TMEM40: variants seen among roughly 807,000 people sequenced by gnomAD.
TMEM40 encodes the protein transmembrane protein 40.
Under a neutral mutation model 40.8 loss-of-function variants are expected in TMEM40, and 34 were observed. That is an observed-to-expected ratio of 0.83 (90% CI 0.63 to 1.11). The LOEUF is 1.11. Ranked by LOEUF, TMEM40 falls within the 50% of genes least tolerant of loss-of-function variation. The pLI, the probability that TMEM40 is intolerant of heterozygous loss-of-function variation, is 0.00. For missense variants in TMEM40, 296 were observed against 280.2 expected, an observed-to-expected ratio of 1.06 and a Z score of -0.40; for synonymous variants, 106 against 107.0, an observed-to-expected ratio of 0.99 and a Z score of 0.06.
chr3:12,758,094 A>G (rs1372362059), intron 1 of TMEM40, among the ~76,000 whole-genome samples: 1 of 152,040 alleles, frequency 6.6e-6, no homozygotes, highest in Non-Finnish European at 1.5e-5. Context: ...GAAAGAAAGA[A>G]AAAGGAAAGA....
At chr3:12,747,283 T>C (rs2061436594) in intron 3 of TMEM40, among the ~76,000 whole-genome samples, 1 of 151,948 alleles carries the variant, frequency 6.6e-6, no homozygotes, top group South Asian at 2.1e-4. Context: ...GGAGCTCTGG[T>C]TGAGGAGGAT....
intron 1 of TMEM40, among the ~76,000 whole-genome samples, chr3:12,755,186 CCT>C (rs2061511225): frequency 1.0e-5 from 1 of 98,678 alleles, no homozygotes; most frequent in African/African-American, 7.4e-5. Context: ...CTCTCTCCTT[CCT>C]TCCTTCCTTC....
At chr3:12,735,468 T>C in intron 11 of TMEM40, 87 bp downstream of exon 11, 1 of 1,369,742 alleles carries the variant, frequency 7.3e-7, no homozygotes, top group Non-Finnish European at 1.0e-6. Context: ...CTCCAGGCTG[T>C]GTTCTTTCCT....
intron 1 of TMEM40, among the ~76,000 whole-genome samples, chr3:12,751,545 T>C (rs535345828): frequency 6.6e-6 from 1 of 152,212 alleles, no homozygotes; most frequent in African/African-American, 2.4e-5. Context: ...CCCAAAGTGC[T>C]GGGATTACAG....
intron 1 of TMEM40, among the ~76,000 whole-genome samples, chr3:12,751,734 G>T (rs1005304607): frequency 6.6e-6 from 1 of 152,172 alleles, no homozygotes; most frequent in South Asian, 2.1e-4. Context: ...TTCTCTGCAC[G>T]CAACAGGTGA....
In TMEM40 at chr3:12,734,570, G is replaced by T. The variant is rs1034068547; in HGVS notation, c.*204C>A. On this transcript the variant is annotated 3_prime_UTR_variant, in exon 12 of 12. Transcript: ENST00000314124. ...CTCTGCCTTCCATCCTTGCAGCTGG[G>T]TTGCACAGCAGTACTGCCCAAATGA... The T allele has an allele frequency of 6.9e-6, 4 of 582,578 alleles. No individual in the cohort carries two copies. In the Admixed American group the frequency reaches 1.2e-4, roughly 17 times the overall value. The allele number at this position is 582,578 out of a possible 1,614,324, so 36.1% of individuals were successfully genotyped here. A position where few individuals can be genotyped will look rare whatever the true frequency, so the allele number is the denominator to read the frequency against.
At chr3:12,758,276 C>T (rs1450612778) in intron 1 of TMEM40, among the ~76,000 whole-genome samples, 4 of 152,168 alleles carry the variant, frequency 2.6e-5, no homozygotes, top group African/African-American at 7.2e-5. Context: ...AGCTTGAGTT[C>T]ACTCCCCACC....
chr3:12,765,590 C>T (rs1468126118), intron 1 of TMEM40, among the ~76,000 whole-genome samples: 15 of 137,282 alleles, frequency 1.1e-4, no homozygotes, highest in Non-Finnish European at 2.0e-4. Flanking sequence ...TTTTTTGAGA[C>T]GGAGTCTCGC....
chr3:12,752,872 A>G (rs898685323), intron 1 of TMEM40, among the ~76,000 whole-genome samples: 1 of 152,134 alleles, frequency 6.6e-6, no homozygotes, highest in African/African-American at 2.4e-5. Flanking sequence ...AAGCAAGGGT[A>G]GTTGGTTGCT....
At chr3:12,748,833 C>A in intron 2 of TMEM40, 41 bp from the exon 3 acceptor site, 1 of 1,587,782 alleles carries the variant, frequency 6.3e-7, no homozygotes, top group Non-Finnish European at 8.6e-7. Flanking sequence ...CGTTTCCCAC[C>A]CTTCCCACCC....
chr3:12,755,283 C>CTTTCTTTCTTTCTTTCTTTCTTTCTTTCT (rs56223138), intron 1 of TMEM40, among the ~76,000 whole-genome samples: 4 of 97,806 alleles, frequency 4.1e-5, no homozygotes, highest in Non-Finnish European at 8.3e-5. Context: ...TTCTTTCTTT[C>CTTTCTTTCTTTCTTTCTTTCTTTCTTTCT]TTCTTTTCTA....
At chr3:12,742,361 C>T in intron 5 of TMEM40, 93 bp downstream of exon 5, 2 of 1,468,474 alleles carry the variant, frequency 1.4e-6, no homozygotes, top group Non-Finnish European at 1.9e-6. Context: ...CTTTTCAGCT[C>T]ATGAATCACC....
chr3:12,761,622 G>GA (rs1194806334), upstream of TMEM40, among the ~76,000 whole-genome samples: 1 of 151,222 alleles, frequency 6.6e-6, no homozygotes, highest in African/African-American at 2.4e-5. Context: ...AAAAGAAAAA[G>GA]AAAAGAAAAA....
At position 12,733,861 on chromosome 3, in the gene TMEM40, C is replaced by T. The variant is rs904986395; in HGVS notation, c.*913G>A. On this transcript the variant is annotated 3_prime_UTR_variant, in exon 12 of 12. Transcript: ENST00000314124. Reference sequence around the variant, plus strand: ...TTTAGCCATTCCACATATTTCAAAACATGTTGTACACTACAAATACATGCA... The same window carrying T: ...TTTAGCCATTCCACATATTTCAAAATATGTTGTACACTACAAATACATGCA... 2 of 151,534 alleles carry T rather than the reference C, an allele frequency of 1.3e-5. No homozygotes were observed. The highest frequency in any genetic ancestry group is 2.1e-4 in the South Asian group (1 of 4,800). The allele number at this position is 151,534 out of a possible 1,614,324, so 9.4% of individuals were successfully genotyped here. A position where few individuals can be genotyped will look rare whatever the true frequency, so the allele number is the denominator to read the frequency against.
At chr3:12,741,730 C>T (rs191553890) in intron 5 of TMEM40, among the ~76,000 whole-genome samples, 60 of 146,748 alleles carry the variant, frequency 4.1e-4, no homozygotes, top group Non-Finnish European at 4.5e-4. Context: ...AGTAATTAAA[C>T]GCATTTTTCT....
chr3:12,740,207 C>T (rs2061370733), intron 5 of TMEM40, among the ~76,000 whole-genome samples: 1 of 151,342 alleles, frequency 6.6e-6, no homozygotes, highest in Admixed American at 6.6e-5. Context: ...AATTCTCCTG[C>T]CTCAGGCTCC....
In TMEM40 at chr3:12,743,933, C is replaced by G. The variant is rs774039474; in HGVS notation, c.268G>C (p.Gly90Arg). The G allele has an allele frequency of 5.0e-6, 8 of 1,613,524 alleles. No individual in the cohort carries two copies. Among genetic ancestry groups the G allele is most frequent in the Non-Finnish European group, 6.8e-6 (8 of 1,179,804 alleles). ...CCGTTCCCGTGGGGGTATCCAGCCC[C>G]CAGGCTCCGTCGATGTTTTCCGGTT... ...RATGKHRRSL[G>R]AGYPHGNGSP... Residue 90 changes from glycine to arginine, a missense_variant, in exon 4 of 12, where the codon GGG becomes CGG. Transcript: ENST00000314124.
intron 1 of TMEM40, among the ~76,000 whole-genome samples, chr3:12,752,413 A>G (rs531247843): frequency 2.6e-5 from 4 of 152,288 alleles, no homozygotes; most frequent in African/African-American, 9.6e-5. Flanking sequence ...CTAACAGTTA[A>G]CTTGTGTTAA....
intron 5 of TMEM40, chr3:12,738,795 T>A: frequency 1.8e-6 from 1 of 555,400 alleles, no homozygotes; most frequent in East Asian, 3.0e-5. Context: ...TAGGAACGCC[T>A]ACCCACTCTT....
Sources: gnomAD v4.1 joint callset for allele counts (sites outside exome capture counted in the v4.1 genomes callset) on GRCh38, gnomAD v4.1.1 for gene constraint, MANE v1.5 for transcripts, NCBI Gene and HGNC (gene_info 2026-07-23, HGNC 2026-07-21) for gene names.